STIM1: variants seen among roughly 807,000 people sequenced by gnomAD.
STIM1 encodes stromal interaction molecule 1.
A neutral mutation model predicts 74.7 loss-of-function variants in STIM1; 25 were observed. The ratio of observed to expected loss-of-function variants is 0.33; its 90% CI spans 0.24 to 0.47. The LOEUF (loss-of-function observed/expected upper bound fraction) is 0.47, where lower values mean the gene tolerates loss of function less well. STIM1 is among the 20% of genes least tolerant of loss of function. The pLI is 1.00. For synonymous variants in STIM1, 328 were observed against 348.8 expected, an observed-to-expected ratio of 0.94 and a Z score of 0.66; for missense variants, 728 against 920.8, an observed-to-expected ratio of 0.79 and a Z score of 2.71.
intron 1 of STIM1, among the ~76,000 whole-genome samples, chr11:3,909,900 G>C (rs754560586): frequency 1.3e-5 from 2 of 152,164 alleles, no homozygotes; most frequent in Non-Finnish European, 2.9e-5. Flanking sequence ...CACCCAGAGG[G>C]AAATGAGACT....
chr11:3,856,044 C>G lies in STIM1; in HGVS notation c.-227C>G, dbSNP rs923896393. The G allele has an allele frequency of 1.7e-6, 1 of 575,042 alleles. No homozygotes were observed. The highest frequency in any genetic ancestry group is 3.0e-5 in the East Asian group (1 of 33,524). The allele number at this position is 575,042 out of a possible 1,614,324, so 35.6% of individuals were successfully genotyped here. A position where few individuals can be genotyped will look rare whatever the true frequency, so the allele number is the denominator to read the frequency against. On this transcript the variant is annotated 5_prime_UTR_variant, in exon 1 of 13. Transcript: ENST00000526596. ...GCACGAGCTCAGGCCGCCGCAGCCCCGGCGGACCCACTGTTGGACCTGAGG... is the reference window on the plus strand; with the variant it reads ...GCACGAGCTCAGGCCGCCGCAGCCCGGGCGGACCCACTGTTGGACCTGAGG...
intron 1 of STIM1, 75 bp from the exon 2 acceptor site, chr11:3,967,477 G>A: frequency 6.8e-6 from 11 of 1,610,066 alleles, no homozygotes; most frequent in Non-Finnish European, 9.3e-6. Flanking sequence ...TAGAAGCTAA[G>A]GATGCTGACA....
intron 1 of STIM1, among the ~76,000 whole-genome samples, chr11:3,908,007 C>T (rs534737758): frequency 3.3e-5 from 5 of 152,226 alleles, no homozygotes; most frequent in African/African-American, 9.6e-5. Context: ...CACTGCAACC[C>T]CTTTCTCTAT....
intron 6 of STIM1, among the ~76,000 whole-genome samples, chr11:4,071,509 A>AT (rs1341076197): frequency 4.0e-5 from 6 of 151,656 alleles, no homozygotes; most frequent in African/African-American, 7.3e-5. Context: ...TGCCTGGCTA[A>AT]TTTTTTTATT....
intron 2 of STIM1, among the ~76,000 whole-genome samples, chr11:4,002,253 G>A (rs374467484): frequency 9.1e-4 from 133 of 145,782 alleles, no homozygotes; most frequent in African/African-American, 1.7e-3. Flanking sequence ...GACATCTACA[G>A]AACTCTCCAC....
intron 1 of STIM1, among the ~76,000 whole-genome samples, chr11:3,927,205 A>G (rs908783768): frequency 4.6e-5 from 7 of 152,190 alleles, no homozygotes; most frequent in African/African-American, 1.4e-4. Flanking sequence ...ACCTTTATTT[A>G]TCTTTGAGCA....
At chr11:4,014,420 T>C (rs1355589170) in intron 2 of STIM1, among the ~76,000 whole-genome samples, 1 of 152,212 alleles carries the variant, frequency 6.6e-6, no homozygotes, top group African/African-American at 2.4e-5. Flanking sequence ...AGAGACAGTT[T>C]GTTGTGATTT....
At chr11:3,901,484 T>C (rs2092346892) in intron 1 of STIM1, among the ~76,000 whole-genome samples, 1 of 152,220 alleles carries the variant, frequency 6.6e-6, no homozygotes, top group African/African-American at 2.4e-5. Context: ...TATGGCCAGC[T>C]GTCCTTTAGT....
intron 3 of STIM1, chr11:4,049,721 C>A (rs2094223674): frequency 9.0e-6 from 1 of 110,778 alleles, no homozygotes; most frequent in Non-Finnish European, 1.9e-5. Context: ...CCCAAACACA[C>A]ACACACACAC....
intron 3 of STIM1, among the ~76,000 whole-genome samples, chr11:4,026,969 G>A (rs2094002722): frequency 6.6e-6 from 1 of 152,120 alleles, no homozygotes; most frequent in African/African-American, 2.4e-5. Flanking sequence ...CTCCATAAAG[G>A]TTGGATTGGT....
intron 2 of STIM1, among the ~76,000 whole-genome samples, chr11:3,970,555 TC>T (rs2093383259): frequency 6.6e-6 from 1 of 151,688 alleles, no homozygotes; most frequent in Admixed American, 6.6e-5. Context: ...TTTTTTTTTT[TC>T]ATTCATAAAA....
At chr11:3,934,469 A>G (rs2092909512) in intron 1 of STIM1, among the ~76,000 whole-genome samples, 1 of 152,160 alleles carries the variant, frequency 6.6e-6, no homozygotes, top group African/African-American at 2.4e-5. Context: ...AGCACTTTGT[A>G]CAGCCTTTTA....
intron 2 of STIM1, among the ~76,000 whole-genome samples, chr11:3,984,171 C>T (rs561884089): frequency 7.9e-4 from 121 of 152,248 alleles, no homozygotes; most frequent in African/African-American, 2.6e-3. Flanking sequence ...CAGCCTCTTT[C>T]TCCTTTCTTA....
intron 3 of STIM1, among the ~76,000 whole-genome samples, chr11:4,051,447 A>T (rs2094240680): frequency 1.3e-5 from 2 of 150,578 alleles, no homozygotes; most frequent in Admixed American, 1.3e-4. Flanking sequence ...AGTTCAAGCG[A>T]TTTTCCTGCC....
intron 3 of STIM1, among the ~76,000 whole-genome samples, chr11:4,052,109 A>C (rs959849711): frequency 9.9e-5 from 15 of 152,222 alleles, no homozygotes; most frequent in Non-Finnish European, 1.5e-4. Flanking sequence ...ATAAAAGAGG[A>C]CACAAACAAA....
chr11:4,009,642 GTAAAA>G, intron 2 of STIM1, among the ~76,000 whole-genome samples: 1 of 151,050 alleles, frequency 6.6e-6, no homozygotes, highest in Non-Finnish European at 1.5e-5. Flanking sequence ...AATAAATAAA[GTAAAA>G]TAAAATTAAT....
chr11:3,982,770 A>G (rs546718533), intron 2 of STIM1, among the ~76,000 whole-genome samples: 9 of 152,188 alleles, frequency 5.9e-5, no homozygotes, highest in African/African-American at 1.7e-4. Flanking sequence ...TACAATTAGT[A>G]TGTGAATTAA....
chr11:3,917,155 A>G (rs10160649), intron 1 of STIM1, among the ~76,000 whole-genome samples: 25,815 of 152,090 alleles, frequency 0.17, 3,794 homozygotes, highest in African/African-American at 0.4. Flanking sequence ...TCTGTATCTC[A>G]GCCTGTGAGG....
intron 7 of STIM1, among the ~76,000 whole-genome samples, chr11:4,075,646 G>T (rs2094433253): frequency 6.6e-6 from 1 of 151,948 alleles, no homozygotes; most frequent in African/African-American, 2.4e-5. Flanking sequence ...CATTTGGGTT[G>T]TCTGCAGTTT....
Sources: allele counts gnomAD v4.1 joint callset (sites outside exome capture counted in the v4.1 genomes callset), GRCh38; gene constraint gnomAD v4.1.1; transcripts MANE v1.5; gene names NCBI Gene and HGNC (gene_info 2026-07-23, HGNC 2026-07-21).